Variants in RIC1 observed in about 807,000 individuals in gnomAD.
RIC1 encodes the protein guanine nucleotide exchange factor subunit RIC1.
A neutral mutation model predicts 169.0 loss-of-function variants in RIC1; 88 were observed. The ratio of observed to expected loss-of-function variants is 0.52; its 90% CI spans 0.44 to 0.62. The LOEUF (loss-of-function observed/expected upper bound fraction) is 0.62. Ranked by LOEUF, RIC1 falls within the 20% of genes least tolerant of loss-of-function variation. The pLI, the probability that RIC1 is intolerant of heterozygous loss-of-function variation, is 0.00. For synonymous variants in RIC1, 790 were observed against 601.5 expected (o/e 1.31, Z -4.59); for missense variants, 1,877 against 1,725.5 (o/e 1.09, Z -1.56).
At chr9:5,634,913 T>C (rs1369205650) in intron 1 of RIC1, among the ~76,000 whole-genome samples, 1 of 152,180 alleles carries the variant, frequency 6.6e-6, no homozygotes, top group African/African-American at 2.4e-5. Flanking sequence ...ATCTGTGTAT[T>C]TGTGGGGTAT....
intron 3 of RIC1, among the ~76,000 whole-genome samples, chr9:5,694,663 C>T (rs1821783903): frequency 6.6e-6 from 1 of 152,130 alleles, no homozygotes; most frequent in Non-Finnish European, 1.5e-5. Context: ...GGCCACACTT[C>T]CAAGGATGGC....
intron 11 of RIC1, 148 bp downstream of exon 11, chr9:5,746,231 A>C: frequency 2.0e-6 from 1 of 497,458 alleles, no homozygotes; most frequent in South Asian, 7.8e-5. Flanking sequence ...ATTTATATTA[A>C]ATTTATACCA....
chr9:5,765,753 G>A lies in RIC1; in HGVS notation c.3092G>A (p.Ser1031Asn), dbSNP rs766053830. 1.9e-6 allele frequency: 3 copies of A among 1,614,126 alleles called. No homozygotes were observed. Among genetic ancestry groups the A allele is most frequent in the Non-Finnish European group, 2.5e-6 (3 of 1,179,988 alleles). ...SAENVPASKF[S>N]LQKTLSMPSG... ...GAAAATGTTCCTGCCAGTAAATTCA[G>A]TTTACAGAAAACACTAAGTATGCCA... Residue 1031 changes from serine to asparagine, a missense_variant, in exon 21 of 26, where the codon AGT (serine) becomes AAT (asparagine). This residue lies in a region of RIC1 where 681 missense variants were observed against 582.0 expected (regional missense o/e 1.17). Coordinates refer to ENST00000414202, the MANE Select transcript of RIC1 (RefSeq NM_020829.4).
At chr9:5,691,039 TAAA>T (rs982090868) in intron 3 of RIC1, among the ~76,000 whole-genome samples, 4 of 151,988 alleles carry the variant, frequency 2.6e-5, no homozygotes, top group Non-Finnish European at 5.9e-5. Flanking sequence ...AGAGGTATAA[TAAA>T]AGTTGTGTTG....
chr9:5,724,233 G>A (rs571033736), intron 6 of RIC1, among the ~76,000 whole-genome samples: 59 of 152,084 alleles, frequency 3.9e-4, no homozygotes, highest in African/African-American at 9.9e-4. Flanking sequence ...CTTTTATTTC[G>A]TTGAGCAGTG....
intron 14 of RIC1, 33 bp from the exon 15 acceptor site, chr9:5,754,808 A>C: frequency 7.9e-7 from 1 of 1,268,284 alleles, no homozygotes; most frequent in Non-Finnish European, 1.1e-6. Context: ...CTGGTAGCAT[A>C]AGGTAAATTT....
At chr9:5,771,884 A>G (rs1827246074) in intron 23 of RIC1, among the ~76,000 whole-genome samples, 1 of 152,190 alleles carries the variant, frequency 6.6e-6, no homozygotes, top group Non-Finnish European at 1.5e-5. Context: ...CTCTTGTATT[A>G]ACTGAAGAAA....
chr9:5,689,284 C>T (rs1031978472), intron 2 of RIC1, among the ~76,000 whole-genome samples: 1 of 152,024 alleles, frequency 6.6e-6, no homozygotes, highest in East Asian at 1.9e-4. Context: ...ATCTCCTGAC[C>T]TCGTGATCTG....
At chr9:5,725,478 A>G (rs1823910085) in intron 6 of RIC1, among the ~76,000 whole-genome samples, 1 of 152,158 alleles carries the variant, frequency 6.6e-6, no homozygotes, top group African/African-American at 2.4e-5. Context: ...CTAGTGGTCT[A>G]TCAATTTCGT....
chr9:5,686,013 A>C (rs921227611), intron 2 of RIC1, among the ~76,000 whole-genome samples: 1 of 152,094 alleles, frequency 6.6e-6, no homozygotes, highest in Non-Finnish European at 1.5e-5. Context: ...GCAGCCAAAA[A>C]ACACATGAAA....
At chr9:5,702,228 T>G (rs1397381490) in intron 3 of RIC1, among the ~76,000 whole-genome samples, 1 of 152,194 alleles carries the variant, frequency 6.6e-6, no homozygotes, top group Non-Finnish European at 1.5e-5. Flanking sequence ...TTTCAGTGTA[T>G]TATTGAGGAA....
At chr9:5,742,720 T>C in intron 8 of RIC1, 149 bp from the exon 9 acceptor site, 1 of 702,638 alleles carries the variant, frequency 1.4e-6, no homozygotes, top group Non-Finnish European at 2.3e-6. Context: ...CTTTAAGTAG[T>C]CCTAAATGAC....
At chr9:5,736,886 TTTAGTTAGTC>T (rs1320344698) in intron 7 of RIC1, among the ~76,000 whole-genome samples, 2 of 152,058 alleles carry the variant, frequency 1.3e-5, no homozygotes, top group African/African-American at 4.8e-5. Context: ...TTGCAGGTCT[TTTAGTTAGTC>T]CCAGTTCTAA....
chr9:5,681,518 T>G lies in RIC1; in HGVS notation c.253-8441T>G, dbSNP rs983914544. ...CTATGGTCTGACAGACAGTTTGTTA[T>G]AATTTCTGTTCTTTTACATTTGCTG... On this transcript the variant is annotated intron_variant, in intron 2 of 25. Transcript: ENST00000414202. Among the ~76,000 whole-genome samples, 7 of 152,248 alleles carry G rather than the reference T, an allele frequency of 4.6e-5. No individual in the cohort carries two copies. The South Asian group carries it at 8.3e-4, about 18-fold the overall frequency.
At chr9:5,631,683 C>A (rs1817721168) in intron 1 of RIC1, among the ~76,000 whole-genome samples, 1 of 120,916 alleles carries the variant, frequency 8.3e-6, no homozygotes, top group Admixed American at 8.8e-5. Context: ...AAGACTCTGT[C>A]TCAAAAAAAA....
chr9:5,740,822 T>C (rs1825041216), intron 8 of RIC1, among the ~76,000 whole-genome samples: 1 of 152,116 alleles, frequency 6.6e-6, no homozygotes. Context: ...ATTAATACTT[T>C]GTATCCTTCA....
At chr9:5,753,711 C>T (rs1357139611) in intron 14 of RIC1, 65 bp downstream of exon 14, 4 of 727,052 alleles carry the variant, frequency 5.5e-6, no homozygotes, top group Non-Finnish European at 8.8e-6. Flanking sequence ...TATGAAATAG[C>T]TATAAAGTTT....
At chr9:5,669,045 TG>T (rs1246844223) in intron 2 of RIC1, among the ~76,000 whole-genome samples, 1 of 152,262 alleles carries the variant, frequency 6.6e-6, no homozygotes, top group Non-Finnish European at 1.5e-5. Context: ...CAGAGATTGC[TG>T]GGGTTCTGCT....
At position 5,689,715 on chromosome 9, in the gene RIC1, C is replaced by T. The variant is rs73641646; in HGVS notation, c.253-244C>T. Among the ~76,000 whole-genome samples the T allele has an allele frequency of 5.7e-3, 869 of 152,210 alleles. 9 individuals carry two copies. Among genetic ancestry groups the T allele is most frequent in the African/African-American group, 0.019 (794 of 41,524 alleles). On this transcript the variant is annotated intron_variant, in intron 2 of 25. Transcript: ENST00000414202. The stretch of plus-strand genomic sequence containing the variant: ...AATAATGCAGTTACTTGAGAGTATG[C>T]ATGTCTAGAATACTTTATGAAGTAC...
Sources: gnomAD v4.1 joint callset for allele counts (sites outside exome capture counted in the v4.1 genomes callset) on GRCh38, gnomAD v4.1.1 for gene constraint, gnomAD v4.1.1 regional missense constraint, MANE v1.5 for transcripts, NCBI Gene and HGNC (gene_info 2026-07-23, HGNC 2026-07-21) for gene names.